The following ARL15 variants were observed in gnomAD, a reference collection of about 807,000 sequenced individuals.
ARL15 encodes ARF like GTPase 15, also known as ADP-ribosylation factor-like protein 15.
A neutral mutation model predicts 25.2 loss-of-function variants in ARL15; 19 were observed. That is an observed-to-expected ratio of 0.75 (90% CI 0.53 to 1.10). The LOEUF (loss-of-function observed/expected upper bound fraction) is 1.10, where lower values mean the gene tolerates loss of function less well. Ranked by LOEUF, ARL15 falls within the 50% of genes least tolerant of loss-of-function variation. The probability of loss-of-function intolerance (pLI) is 0.00; values close to 1 mark genes in which losing one functional copy is unlikely to be tolerated. For synonymous variants in ARL15, 94 were observed against 86.8 expected (o/e 1.08, Z -0.46); for missense variants, 220 against 246.0 (o/e 0.89, Z 0.71).
intron 4 of ARL15, among the ~76,000 whole-genome samples, chr5:54,067,987 A>G (rs1270818115): frequency 6.6e-6 from 1 of 152,222 alleles, no homozygotes; most frequent in Non-Finnish European, 1.5e-5. Context: ...TTGTAGGTCT[A>G]TCTCTCCCAC....
At chr5:54,283,172 T>G (rs1354538199) in intron 1 of ARL15, among the ~76,000 whole-genome samples, 1 of 152,214 alleles carries the variant, frequency 6.6e-6, no homozygotes, top group Non-Finnish European at 1.5e-5. Flanking sequence ...CCTGGCTTTC[T>G]GTGGTAGCCA....
At chr5:54,248,209 TA>T (rs1345739797) in intron 1 of ARL15, among the ~76,000 whole-genome samples, 3 of 152,102 alleles carry the variant, frequency 2.0e-5, no homozygotes, top group Non-Finnish European at 4.4e-5. Context: ...ATTTGGGAAA[TA>T]ACTGGGTTTT....
intron 4 of ARL15, among the ~76,000 whole-genome samples, chr5:54,099,245 TA>T (rs1479072586): frequency 2.6e-5 from 4 of 152,154 alleles, no homozygotes; most frequent in African/African-American, 9.7e-5. Context: ...CTTGACATAT[TA>T]AAAATGAGGG....
chr5:53,888,430 G>A (rs958099888), intron 4 of ARL15, among the ~76,000 whole-genome samples: 9 of 151,982 alleles, frequency 5.9e-5, no homozygotes, highest in South Asian at 2.1e-4. Flanking sequence ...ATAGGTGCAC[G>A]CCACAACAAC....
intron 4 of ARL15, among the ~76,000 whole-genome samples, chr5:54,055,270 T>G (rs1750831326): frequency 6.6e-6 from 1 of 151,974 alleles, no homozygotes; most frequent in Non-Finnish European, 1.5e-5. Flanking sequence ...ACATGTGGCC[T>G]TTTGTAAATG....
intron 1 of ARL15, among the ~76,000 whole-genome samples, chr5:54,281,819 A>T (rs1455242007): frequency 6.6e-6 from 1 of 152,124 alleles, no homozygotes; most frequent in African/African-American, 2.4e-5. Context: ...TTTTCCCGTG[A>T]CTTGTTTCTT....
intron 1 of ARL15, among the ~76,000 whole-genome samples, chr5:54,243,891 A>G (rs1452712095): frequency 6.6e-6 from 1 of 152,202 alleles, no homozygotes; most frequent in African/African-American, 2.4e-5. Context: ...ACCTTGTCCA[A>G]GATGTAAGGG....
At chr5:54,035,491 G>C (rs544428078) in intron 4 of ARL15, among the ~76,000 whole-genome samples, 1 of 152,184 alleles carries the variant, frequency 6.6e-6, no homozygotes, top group Non-Finnish European at 1.5e-5. Flanking sequence ...TTAATACTTG[G>C]TCATCAGAAA....
At chr5:53,900,893 T>C (rs947147292) in intron 4 of ARL15, among the ~76,000 whole-genome samples, 1 of 152,218 alleles carries the variant, frequency 6.6e-6, no homozygotes, top group African/African-American at 2.4e-5. Context: ...CAACCTATCC[T>C]GGAAAAGAGA....
intron 4 of ARL15, among the ~76,000 whole-genome samples, chr5:54,057,553 T>C (rs903547146): frequency 7.2e-5 from 11 of 152,212 alleles, no homozygotes; most frequent in African/African-American, 2.7e-4. Context: ...TAGCACCATT[T>C]AAAGCATACT....
At chr5:54,213,385 C>T (rs1756098982) in intron 1 of ARL15, among the ~76,000 whole-genome samples, 2 of 152,158 alleles carry the variant, frequency 1.3e-5, no homozygotes, top group Non-Finnish European at 2.9e-5. Flanking sequence ...CTGCCACAAC[C>T]CCAAATAAGC....
chr5:54,205,007 T>G (rs1466368484), intron 1 of ARL15, among the ~76,000 whole-genome samples: 2 of 149,576 alleles, frequency 1.3e-5, no homozygotes, highest in Non-Finnish European at 3.0e-5. Flanking sequence ...CAATCTTGGC[T>G]CACTGCAACC....
chr5:53,889,816 T>G (rs1744656151), intron 4 of ARL15, among the ~76,000 whole-genome samples: 1 of 151,672 alleles, frequency 6.6e-6, no homozygotes, highest in African/African-American at 2.4e-5. Context: ...GACTGTTTTT[T>G]TTTTTTTTTT....
At chr5:54,028,347 A>G (rs568260576) in intron 4 of ARL15, among the ~76,000 whole-genome samples, 1 of 152,294 alleles carries the variant, frequency 6.6e-6, no homozygotes, top group South Asian at 2.1e-4. Flanking sequence ...ATGTGTTATA[A>G]TTTTATAGTC....
At chr5:54,258,721 A>C (rs1757427605) in intron 1 of ARL15, among the ~76,000 whole-genome samples, 1 of 152,146 alleles carries the variant, frequency 6.6e-6, no homozygotes, top group Admixed American at 6.5e-5. Flanking sequence ...GAATGGAAGG[A>C]GAGGGGCATG....
chr5:54,127,406 C>T (rs1416330709), intron 3 of ARL15, among the ~76,000 whole-genome samples: 1 of 152,062 alleles, frequency 6.6e-6, no homozygotes, highest in Non-Finnish European at 1.5e-5. Context: ...CATCAGTGAA[C>T]TCCCATTCAC....
At chr5:54,065,837 TTA>T (rs200111673) in intron 4 of ARL15, among the ~76,000 whole-genome samples, 1 of 127,776 alleles carries the variant, frequency 7.8e-6, no homozygotes, top group Admixed American at 7.1e-5. Context: ...CATACAAATG[TTA>T]TGAGTTAAAT....
chr5:54,192,864 A>T (rs529309426), intron 1 of ARL15, among the ~76,000 whole-genome samples: 2 of 152,310 alleles, frequency 1.3e-5, no homozygotes, highest in Admixed American at 6.5e-5. Flanking sequence ...ACAGATAACC[A>T]TTGTATCTGG....
chr5:53,901,795 C>T (rs1010336176), intron 4 of ARL15, among the ~76,000 whole-genome samples: 2 of 152,156 alleles, frequency 1.3e-5, no homozygotes, highest in Non-Finnish European at 2.9e-5. Flanking sequence ...ATTGTGTCTG[C>T]CTCAGTAACT....
Sources: gnomAD v4.1 joint callset for allele counts (sites outside exome capture counted in the v4.1 genomes callset) on GRCh38, gnomAD v4.1.1 for gene constraint, MANE v1.5 for transcripts, NCBI Gene and HGNC (gene_info 2026-07-23, HGNC 2026-07-21) for gene names.